The following DOP1B variants were observed in gnomAD, a reference collection of about 807,000 sequenced individuals.
The protein encoded by DOP1B is protein DOP1B.
In DOP1B, 174 loss-of-function variants were observed where a neutral mutation model predicts 233.5. The ratio of observed to expected loss-of-function variants is 0.75; its 90% CI spans 0.66 to 0.85. The LOEUF is 0.85. Among genes scored for constraint, DOP1B ranks in the 40% least tolerant of loss-of-function variants. The pLI is 0.00. For synonymous variants in DOP1B, 1,190 were observed against 1,185.6 expected (o/e 1.00, Z -0.08); for missense variants, 2,652 against 2,846.6 (o/e 0.93, Z 1.56).
In DOP1B at chr21:36,225,608, C is replaced by G. The variant is rs374472573; in HGVS notation, c.1414C>G (p.Pro472Ala). ...CAGCGTGAGGAACAGCGTCAGCCCT[C>G]CCCCCACGGTCTCGGAGCTCTGCGC... ...RYSVRNSVSPPPTVSELCALL... is the reference protein window; with the variant it reads ...RYSVRNSVSPAPTVSELCALL... Residue 472 changes from proline (P) to alanine (A), a missense_variant, in exon 12 of 37, where the codon CCC (proline) becomes GCC (alanine). Physicochemically the swap from Pro to Ala is conservative, Grantham distance 27. Coordinates refer to ENST00000691173, the MANE Select transcript of DOP1B (RefSeq NM_001320714.2). 1 of 1,613,952 alleles carries G rather than the reference C, an allele frequency of 6.2e-7. No homozygotes were observed. Among genetic ancestry groups the G allele is most frequent in the South Asian group, 1.1e-5 (1 of 91,068 alleles).
At chr21:36,290,444 T>C (rs912190571) in intron 35 of DOP1B, among the ~76,000 whole-genome samples, 15 of 152,012 alleles carry the variant, frequency 9.9e-5, no homozygotes, top group African/African-American at 2.4e-4. Context: ...GTGGATCACT[T>C]GAGGCCAGGA....
intron 2 of DOP1B, among the ~76,000 whole-genome samples, chr21:36,171,652 G>C (rs146169246): frequency 1.1e-4 from 16 of 152,328 alleles, no homozygotes; most frequent in African/African-American, 3.8e-4. Context: ...CTAGCAGCGG[G>C]GGGAGAGGCA....
chr21:36,165,235 TA>T (rs1165631259), intron 2 of DOP1B, among the ~76,000 whole-genome samples: 7 of 152,180 alleles, frequency 4.6e-5, no homozygotes, highest in African/African-American at 1.7e-4. Flanking sequence ...AGATAAAATT[TA>T]AAATGGTCAA....
At chr21:36,179,855 A>G (rs1034269558) in intron 2 of DOP1B, among the ~76,000 whole-genome samples, 3 of 152,178 alleles carry the variant, frequency 2.0e-5, no homozygotes, top group African/African-American at 7.2e-5. Flanking sequence ...TGTAATGAAC[A>G]TCTTTACGCA....
rs766078513 is a variant in DOP1B, at chr21:36,251,238, C to T, written c.5075C>T (p.Ala1692Val). ...HLGVQLTAAV[A>V]AVWSRKKAQR... Reference sequence around the variant, plus strand: ...GGGGTTCAGTTGACAGCGGCTGTTGCGGCAGTGTGGAGCAGAAAGAAAGCC... The same window carrying T: ...GGGGTTCAGTTGACAGCGGCTGTTGTGGCAGTGTGGAGCAGAAAGAAAGCC... Residue 1692 changes from alanine to valine, a missense_variant, in exon 22 of 37, where the codon GCG becomes GTG. Around this residue, in one of 3 missense-constraint regions of DOP1B, gnomAD observed 2,617 missense variants for 2,794.3 expected, o/e 0.94. Coordinates refer to ENST00000691173, the MANE Select transcript of DOP1B (RefSeq NM_001320714.2). 9 of 1,613,752 alleles carry T rather than the reference C, an allele frequency of 5.6e-6. No homozygotes were observed. The highest frequency in any genetic ancestry group is 4.0e-5 in the African/African-American group (3 of 74,976).
At chr21:36,261,034 A>G (rs1329946344) in intron 24 of DOP1B, 1 of 1,121,006 alleles carries the variant, frequency 8.9e-7, no homozygotes. Flanking sequence ...AAAGAAAAAA[A>G]CCACATATAG....
chr21:36,221,200 C>T (rs192382672), intron 10 of DOP1B, among the ~76,000 whole-genome samples: 1 of 152,146 alleles, frequency 6.6e-6, no homozygotes, highest in East Asian at 2.0e-4. Context: ...AAGGATTTAT[C>T]ATTTATTTAA....
At chr21:36,236,449 G>A (rs375529015) in intron 15 of DOP1B, among the ~76,000 whole-genome samples, 21 of 152,268 alleles carry the variant, frequency 1.4e-4, no homozygotes, top group Middle Eastern at 3.4e-3. Context: ...TAACCAATTC[G>A]AGCAGACCCC....
chr21:36,285,921 T>C (rs1000552425), intron 32 of DOP1B, among the ~76,000 whole-genome samples: 1 of 151,754 alleles, frequency 6.6e-6, no homozygotes, highest in Non-Finnish European at 1.5e-5. Flanking sequence ...GGCAGGAGAA[T>C]TGCTTGAACC....
chr21:36,207,490 GTTTT>G (rs1027284202), intron 4 of DOP1B, among the ~76,000 whole-genome samples: 7 of 120,956 alleles, frequency 5.8e-5, no homozygotes, highest in Non-Finnish European at 1.2e-4. Context: ...CAGCCAAACA[GTTTT>G]TTTTGTTTTT....
intron 4 of DOP1B, 70 bp from the exon 5 acceptor site, chr21:36,208,645 G>A (rs1569021883): frequency 6.7e-6 from 10 of 1,492,600 alleles, no homozygotes; most frequent in East Asian, 5.0e-5. Context: ...TGCAGCATTC[G>A]CAGAGCAGTG....
At chr21:36,166,388 G>A (rs2065911631) in intron 2 of DOP1B, among the ~76,000 whole-genome samples, 1 of 151,664 alleles carries the variant, frequency 6.6e-6, no homozygotes, top group African/African-American at 2.4e-5. Flanking sequence ...AGTGAGCTGA[G>A]ATTGCACCAC....
At position 36,293,781 on chromosome 21, in the gene DOP1B, G is replaced by A. The variant is rs1289200173; in HGVS notation, c.*210G>A. 4.1e-5 allele frequency: 21 copies of A among 511,756 alleles called. No homozygotes were observed. The highest frequency in any genetic ancestry group is 6.3e-5 in the Non-Finnish European group (18 of 285,232). The allele number at this position is 511,756 out of a possible 1,614,324, so 31.7% of individuals were successfully genotyped here. A position where few individuals can be genotyped will look rare whatever the true frequency, so the allele number is the denominator to read the frequency against. ...GCAGATCACTTGAGGTCAGGAGTTC[G>A]AGACCAGCCTGACCAACATGGTGAG... is the stretch of plus-strand genomic sequence containing the variant. On this transcript the variant is annotated 3_prime_UTR_variant, in exon 37 of 37. Transcript: ENST00000691173.
chr21:36,163,756 A>G (rs141025595), intron 1 of DOP1B, among the ~76,000 whole-genome samples: 158 of 152,368 alleles, frequency 1.0e-3, no homozygotes, highest in African/African-American at 3.7e-3. Context: ...TGTTATGTGC[A>G]GAAAACATAC....
At chr21:36,261,610 A>T in intron 24 of DOP1B, 1 of 985,250 alleles carries the variant, frequency 1.0e-6, no homozygotes, top group African/African-American at 1.7e-5. Context: ...GTGTTGCAGA[A>T]AATGAGGGTG....
intron 24 of DOP1B, among the ~76,000 whole-genome samples, chr21:36,263,105 A>T (rs1040767247): frequency 6.6e-6 from 1 of 151,812 alleles, no homozygotes; most frequent in Non-Finnish European, 1.5e-5. Flanking sequence ...GTGGTGGCAC[A>T]TGCCTGTAAT....
intron 9 of DOP1B, among the ~76,000 whole-genome samples, chr21:36,217,122 C>G (rs939991908): frequency 6.6e-6 from 1 of 151,280 alleles, no homozygotes; most frequent in Admixed American, 6.6e-5. Flanking sequence ...GTGAAGTGGC[C>G]TCTCTCTGGC....
chr21:36,225,906 G>C (rs1270350780), intron 12 of DOP1B, among the ~76,000 whole-genome samples: 1 of 152,162 alleles, frequency 6.6e-6, no homozygotes, highest in African/African-American at 2.4e-5. Context: ...GCTGAAGTTA[G>C]GTCAACCAGC....
intron 3 of DOP1B, among the ~76,000 whole-genome samples, 194 bp downstream of exon 3, chr21:36,199,445 T>C (rs1338587595): frequency 6.6e-6 from 1 of 152,114 alleles, no homozygotes; most frequent in Non-Finnish European, 1.5e-5. Flanking sequence ...TTTCTTTCTT[T>C]TTTTTTTTAA....
Sources: allele counts gnomAD v4.1 joint callset (sites outside exome capture counted in the v4.1 genomes callset), GRCh38; gene constraint gnomAD v4.1.1; regional missense constraint gnomAD v4.1.1; transcripts MANE v1.5; gene names NCBI Gene and HGNC (gene_info 2026-07-23, HGNC 2026-07-21).